BCAR3: variants seen among roughly 807,000 people sequenced by gnomAD.
BCAR3 encodes breast cancer anti-estrogen resistance protein 3.
Under a neutral mutation model 80.1 loss-of-function variants are expected in BCAR3, and 37 were observed. The observed-to-expected ratio is 0.46, with a 90% confidence interval of 0.36 to 0.61. The LOEUF is 0.61. BCAR3 is among the 20% of genes least tolerant of loss of function. The pLI is 0.00. For synonymous variants in BCAR3, 389 were observed against 418.9 expected (o/e 0.93, Z 0.87); for missense variants, 978 against 1,068.2 (o/e 0.92, Z 1.18).
chr1:93,585,306 G>T, intron 5 of BCAR3: 1 of 689,146 alleles, frequency 1.5e-6, no homozygotes, highest in Non-Finnish European at 1.8e-6. Flanking sequence ...AGCAGGCCAT[G>T]AGCCATCTTT....
chr1:93,601,544 T>C (rs913681880), intron 3 of BCAR3, among the ~76,000 whole-genome samples: 1 of 152,220 alleles, frequency 6.6e-6, no homozygotes, highest in Non-Finnish European at 1.5e-5. Context: ...GGCTCACATA[T>C]CCACAAATAC....
chr1:93,767,632 C>T (rs1652200773), intron 2 of BCAR3, among the ~76,000 whole-genome samples: 1 of 152,126 alleles, frequency 6.6e-6, no homozygotes, highest in Non-Finnish European at 1.5e-5. Flanking sequence ...GTGCAGCTCA[C>T]TGCCAGCAAT....
At chr1:93,581,601 G>T (rs1380213806) in intron 7 of BCAR3, among the ~76,000 whole-genome samples, 1 of 151,974 alleles carries the variant, frequency 6.6e-6, no homozygotes, top group Non-Finnish European at 1.5e-5. Context: ...GTAGAGACGG[G>T]GTTTCTCCAT....
At chr1:93,687,128 T>TTTGGGGCCTGGC (rs1254437769) in intron 3 of BCAR3, among the ~76,000 whole-genome samples, 1 of 152,186 alleles carries the variant, frequency 6.6e-6, no homozygotes, top group African/African-American at 2.4e-5. Flanking sequence ...TGGCACTCAG[T>TTTGGGGCCTGGC]ACTTATTGAA....
intron 3 of BCAR3, among the ~76,000 whole-genome samples, chr1:93,631,125 T>C (rs572493811): frequency 6.6e-6 from 1 of 152,320 alleles, no homozygotes; most frequent in African/African-American, 2.4e-5. Context: ...GCCTTGCCTC[T>C]TCCTCACCTC....
intron 2 of BCAR3, among the ~76,000 whole-genome samples, chr1:93,733,722 C>T (rs1178923278): frequency 6.6e-6 from 1 of 152,202 alleles, no homozygotes; most frequent in African/African-American, 2.4e-5. Flanking sequence ...TATGTGTGCA[C>T]ACATGTGTAT....
chr1:93,785,889 AG>A (rs1426599695), intron 2 of BCAR3, among the ~76,000 whole-genome samples: 1 of 152,048 alleles, frequency 6.6e-6, no homozygotes, highest in Non-Finnish European at 1.5e-5. Flanking sequence ...TGACTTCCAA[AG>A]CTAGTAAGTC....
chr1:93,582,856 TGCTGG>T lies in BCAR3; in HGVS notation c.1126_1130del (p.Pro376SerfsTer25). ...CGTCTGAGGAGACCCTCCGAACCAC[TGCTGG>T]GCTCAGGGCAGGCTCGCTTCCCGTC... On this transcript the variant is annotated frameshift_variant, in exon 7 of 12. Coordinates refer to ENST00000260502, the MANE Select transcript of BCAR3 (RefSeq NM_003567.4). LOFTEE classifies it high-confidence loss of function. The T allele has an allele frequency of 6.2e-7, 1 of 1,612,988 alleles. No homozygotes were observed. Among genetic ancestry groups the T allele is most frequent in the East Asian group, 2.2e-5 (1 of 44,846 alleles).
intron 2 of BCAR3, among the ~76,000 whole-genome samples, chr1:93,655,499 G>T (rs1647332074): frequency 6.6e-6 from 1 of 152,138 alleles, no homozygotes; most frequent in Admixed American, 6.5e-5. Flanking sequence ...GACACCCACA[G>T]AATTCTTTCC....
intron 2 of BCAR3, among the ~76,000 whole-genome samples, chr1:93,832,873 A>G (rs1357147395): frequency 6.6e-6 from 1 of 152,002 alleles, no homozygotes; most frequent in African/African-American, 2.4e-5. Flanking sequence ...CTACAGCCAC[A>G]CCTCACTGCC....
In BCAR3 at chr1:93,582,691, C is replaced by T. The variant is rs377297435; in HGVS notation, c.1296G>A (p.Leu432=). 12 of 1,613,942 alleles carry T rather than the reference C, an allele frequency of 7.4e-6. No homozygotes were observed. In the African/African-American group the frequency reaches 1.6e-4, roughly 22 times the overall value. ...WLNSEANYCE[L]NPAFATGCGR... Reference sequence around the variant, plus strand: ...CGCAGCCTGTGGCAAACGCTGGGTTCAGTTCACAGTAGTTGGCCTCTGAGT... The same window carrying T: ...CGCAGCCTGTGGCAAACGCTGGGTTTAGTTCACAGTAGTTGGCCTCTGAGT... The change falls in exon 7 of 12, where the codon CTG becomes CTA. Residue 432 remains leucine (L), a synonymous_variant. Coordinates refer to ENST00000260502, the MANE Select transcript of BCAR3 (RefSeq NM_003567.4).
intron 3 of BCAR3, among the ~76,000 whole-genome samples, chr1:93,615,852 T>C (rs1675106593): frequency 6.6e-6 from 1 of 152,016 alleles, no homozygotes; most frequent in African/African-American, 2.4e-5. Context: ...CAAATAACGA[T>C]TCCTTCAAGC....
intron 3 of BCAR3, among the ~76,000 whole-genome samples, chr1:93,704,576 C>T (rs1274025343): frequency 6.6e-6 from 1 of 152,210 alleles, no homozygotes; most frequent in African/African-American, 2.4e-5. Flanking sequence ...CACTTCACCA[C>T]ATCTCCAGAG....
At chr1:93,685,910 CT>C (rs1046347006), upstream of BCAR3, among the ~76,000 whole-genome samples, 23 of 151,856 alleles carry the variant, frequency 1.5e-4, no homozygotes, top group Non-Finnish European at 7.4e-5. Context: ...GTTTAGTAGA[CT>C]TTTTTTTCTT....
At chr1:93,805,088 A>T (rs2100794776) in intron 2 of BCAR3, among the ~76,000 whole-genome samples, 1 of 152,380 alleles carries the variant, frequency 6.6e-6, no homozygotes, top group South Asian at 2.1e-4. Context: ...CATTGTTTAT[A>T]CATTTGCTAC....
intron 11 of BCAR3, among the ~76,000 whole-genome samples, chr1:93,563,613 C>T (rs1405956237): frequency 1.3e-5 from 2 of 152,206 alleles, no homozygotes; most frequent in East Asian, 3.8e-4. Flanking sequence ...TCCAAAATGG[C>T]TGTATCATTT....
In BCAR3 at chr1:93,592,095, C is replaced by T; in HGVS notation, c.486+170G>A. The T allele has an allele frequency of 1.0e-6, 1 of 952,744 alleles. No homozygotes were observed. The highest frequency in any genetic ancestry group is 1.5e-6 in the Non-Finnish European group (1 of 666,710). 59.0% of individuals were successfully genotyped at this position (952,744 alleles called of 1,614,324 possible). On this transcript the variant is annotated intron_variant, in intron 4 of 11. Transcript: ENST00000260502. This position sits in a 1 kb window ranked among gnomAD's most constrained non-coding sequence, Gnocchi z 4.8. ...CTTTGGGTTCTTGACCTCAGCTCTT[C>T]CCAAGGTCTTCTTAGAGAAGGGTCT...
intron 3 of BCAR3, among the ~76,000 whole-genome samples, chr1:93,690,039 T>C (rs1347097097): frequency 6.6e-6 from 1 of 152,366 alleles, no homozygotes. Flanking sequence ...TATTTAATTA[T>C]AGCACATCTA....
chr1:93,567,661 G>A (rs1673011896), intron 10 of BCAR3, 79 bp downstream of exon 10: 3 of 1,451,474 alleles, frequency 2.1e-6, no homozygotes, highest in Non-Finnish European at 2.9e-6. Context: ...GATAACTCAG[G>A]GCCTCATAAC....
Sources: gnomAD v4.1 joint callset for allele counts (sites outside exome capture counted in the v4.1 genomes callset) on GRCh38, gnomAD v4.1.1 for gene constraint, Gnocchi (gnomAD v3.1) non-coding constraint, MANE v1.5 for transcripts, NCBI Gene and HGNC (gene_info 2026-07-23, HGNC 2026-07-21) for gene names.